The following SKAP2 variants were observed in gnomAD, a reference collection of about 807,000 sequenced individuals.
The protein encoded by SKAP2 is src kinase-associated phosphoprotein 2.
In SKAP2, 28 loss-of-function variants were observed where a neutral mutation model predicts 54.9. The observed-to-expected ratio is 0.51, with a 90% confidence interval of 0.38 to 0.70. The LOEUF is 0.70. Ranked by LOEUF, SKAP2 falls within the 30% of genes least tolerant of loss-of-function variation. SKAP2 has a pLI of 0.00. For missense variants in SKAP2, 356 were observed against 424.1 expected (o/e 0.84, Z 1.41); for synonymous variants, 137 against 134.3 (o/e 1.02, Z -0.14).
At chr7:26,756,226 G>A (rs1035807188) in intron 4 of SKAP2, among the ~76,000 whole-genome samples, 12 of 152,068 alleles carry the variant, frequency 7.9e-5, no homozygotes, top group East Asian at 1.9e-4. Flanking sequence ...GGTGCACAAC[G>A]TGCAGGTTTG....
At chr7:26,708,127 AGAG>A (rs1190841465) in intron 9 of SKAP2, among the ~76,000 whole-genome samples, 2 of 152,238 alleles carry the variant, frequency 1.3e-5, no homozygotes, top group Non-Finnish European at 2.9e-5. Context: ...GAAGGAGCAC[AGAG>A]AAGAGCTAAG....
At chr7:26,741,306 C>G (rs771559417) in intron 4 of SKAP2, among the ~76,000 whole-genome samples, 4 of 152,006 alleles carry the variant, frequency 2.6e-5, no homozygotes, top group Non-Finnish European at 5.9e-5. Context: ...CGCTTGAGCC[C>G]AGGAGTTTGA....
the SKAP2 span, among the ~76,000 whole-genome samples, chr7:26,655,449 C>G: frequency 1.3e-5 from 2 of 152,126 alleles, no homozygotes; most frequent in African/African-American, 4.8e-5. Context: ...GAATATATTT[C>G]TTGTAAACCA....
chr7:26,729,083 T>G (rs1201004463), intron 6 of SKAP2, among the ~76,000 whole-genome samples: 1 of 152,088 alleles, frequency 6.6e-6, no homozygotes, highest in African/African-American at 2.4e-5. Context: ...TATCTAATAA[T>G]CTAGAAATAA....
At chr7:26,779,500 A>G (rs1438948127) in intron 4 of SKAP2, among the ~76,000 whole-genome samples, 1 of 152,072 alleles carries the variant, frequency 6.6e-6, no homozygotes, top group African/African-American at 2.4e-5. Flanking sequence ...AATATCTAAG[A>G]CAGAAATGGA....
At chr7:26,707,279 G>A (rs2299100) in intron 9 of SKAP2, among the ~76,000 whole-genome samples, 8,327 of 151,954 alleles carry the variant, frequency 0.055, 417 homozygotes, top group East Asian at 0.29. Context: ...AGGACTGCTT[G>A]AGCCCAGGAA....
intron 5 of SKAP2, among the ~76,000 whole-genome samples, 154 bp from the exon 6 acceptor site, chr7:26,739,032 A>G (rs1782370776): frequency 6.6e-6 from 1 of 152,202 alleles, no homozygotes. Context: ...CAACAAACCA[A>G]CACAGCTAAA....
At chr7:26,859,391 C>T (rs1785236316) in intron 1 of SKAP2, among the ~76,000 whole-genome samples, 1 of 152,024 alleles carries the variant, frequency 6.6e-6, no homozygotes, top group South Asian at 2.1e-4. Flanking sequence ...AGCCAAATGC[C>T]CAAAGTTGGA....
the SKAP2 span, among the ~76,000 whole-genome samples, chr7:26,656,849 A>G: frequency 6.6e-6 from 1 of 152,172 alleles, no homozygotes; most frequent in Non-Finnish European, 1.5e-5. Context: ...GTGCAAAAAA[A>G]AAAGACCTTC....
intron 4 of SKAP2, among the ~76,000 whole-genome samples, chr7:26,785,006 A>G (rs1160461134): frequency 6.6e-6 from 1 of 152,134 alleles, no homozygotes; most frequent in Non-Finnish European, 1.5e-5. Context: ...AATTCTTCCA[A>G]TTCTTTGAGG....
At chr7:26,799,449 T>C (rs895767196) in intron 4 of SKAP2, among the ~76,000 whole-genome samples, 2 of 151,714 alleles carry the variant, frequency 1.3e-5, no homozygotes, top group African/African-American at 2.4e-5. Context: ...ACAAAAACAA[T>C]AAGAAGAGAT....
At chr7:26,858,595 A>G (rs966897106) in intron 1 of SKAP2, among the ~76,000 whole-genome samples, 8 of 152,074 alleles carry the variant, frequency 5.3e-5, no homozygotes, top group Non-Finnish European at 1.2e-4. Flanking sequence ...TAGTACTCCA[A>G]TCTTCCTTTT....
intron 4 of SKAP2, among the ~76,000 whole-genome samples, chr7:26,807,609 T>A (rs1314160919): frequency 6.6e-6 from 1 of 152,238 alleles, no homozygotes; most frequent in Non-Finnish European, 1.5e-5. Flanking sequence ...GAAAATGGAC[T>A]AATACAGTCT....
At chr7:26,813,249 A>T (rs759439523) in intron 4 of SKAP2, among the ~76,000 whole-genome samples, 14 of 152,202 alleles carry the variant, frequency 9.2e-5, no homozygotes, top group Non-Finnish European at 1.6e-4. Flanking sequence ...TAGGCACAAA[A>T]GTAACAGTAT....
At chr7:26,844,994 G>T (rs1784894783) in intron 3 of SKAP2, among the ~76,000 whole-genome samples, 1 of 151,862 alleles carries the variant, frequency 6.6e-6, no homozygotes, top group Non-Finnish European at 1.5e-5. Flanking sequence ...ACAAATATTT[G>T]CTAGCCCAGT....
chr7:26,708,430 T>A (rs1338420273), intron 9 of SKAP2, among the ~76,000 whole-genome samples: 1 of 152,194 alleles, frequency 6.6e-6, no homozygotes, highest in East Asian at 1.9e-4. Context: ...AGTCTTTTTC[T>A]TATTAACTCT....
chr7:26,770,958 A>C (rs1462909731), intron 4 of SKAP2, among the ~76,000 whole-genome samples: 4 of 152,190 alleles, frequency 2.6e-5, no homozygotes, highest in African/African-American at 9.7e-5. Context: ...GAAAAAAAAA[A>C]CTAAAAGTGG....
At chr7:26,826,958 A>C (rs1488748726) in intron 4 of SKAP2, among the ~76,000 whole-genome samples, 1 of 152,216 alleles carries the variant, frequency 6.6e-6, no homozygotes, top group Non-Finnish European at 1.5e-5. Flanking sequence ...TTAGAAAAGA[A>C]ATCCTATTTT....
intron 4 of SKAP2, among the ~76,000 whole-genome samples, chr7:26,768,945 C>G (rs1177357662): frequency 6.6e-6 from 1 of 152,118 alleles, no homozygotes; most frequent in Non-Finnish European, 1.5e-5. Context: ...TGGGGTTGCT[C>G]TTCTCGAGGA....
Sources: gnomAD v4.1 joint callset for allele counts (sites outside exome capture counted in the v4.1 genomes callset) on GRCh38, gnomAD v4.1.1 for gene constraint, MANE v1.5 for transcripts, NCBI Gene and HGNC (gene_info 2026-07-23, HGNC 2026-07-21) for gene names.